DAG1: variants seen among roughly 807,000 people sequenced by gnomAD.
DAG1 encodes dystroglycan 1 (dystrophin-associated glycoprotein 1).
A neutral mutation model predicts 46.1 loss-of-function variants in DAG1; 8 were observed. The ratio of observed to expected loss-of-function variants is 0.17; its 90% CI spans 0.10 to 0.31. The LOEUF (loss-of-function observed/expected upper bound fraction) is 0.31, where lower values mean the gene tolerates loss of function less well. Ranked by LOEUF, DAG1 falls within the 10% of genes least tolerant of loss-of-function variation. The pLI, the probability that DAG1 is intolerant of heterozygous loss-of-function variation, is 1.00. For synonymous variants in DAG1, 495 were observed against 481.8 expected (o/e 1.03, Z -0.36); for missense variants, 1,003 against 1,189.9 (o/e 0.84, Z 2.31).
chr3:49,493,036 C>CTTTTTTTTTTTTTTTTTT (rs55708660), intron 1 of DAG1: 1 of 86,380 alleles, frequency 1.2e-5, no homozygotes, highest in Non-Finnish European at 2.0e-5. Flanking sequence ...TATTTTTATT[C>CTTTTTTTTTTTTTTTTTT]TTTTTTTTTT....
rs1322147174 is a variant in DAG1 at position 49,533,994 on chromosome 3, TC to T, written c.*797del. The T allele has an allele frequency of 6.4e-6, 1 of 155,144 alleles. No homozygotes were observed. Among genetic ancestry groups the T allele is most frequent in the Admixed American group, 6.4e-5 (1 of 15,728 alleles). The allele number at this position is 155,144 out of a possible 1,614,324, so 9.6% of individuals were successfully genotyped here. On this transcript the variant is annotated 3_prime_UTR_variant, in exon 3 of 3. Coordinates refer to ENST00000308775, the MANE Select transcript of DAG1 (RefSeq NM_004393.6). Reference sequence around the variant, plus strand: ...CTCTTGGGCCATGGACATCCCCACTTCCAGCCCATGTACACTAGTGGCCCAC... The same window carrying T: ...CTCTTGGGCCATGGACATCCCCACTTCAGCCCATGTACACTAGTGGCCCAC...
intron 1 of DAG1, among the ~76,000 whole-genome samples, chr3:49,506,973 AG>A (rs2050622153): frequency 1.3e-5 from 2 of 151,756 alleles, no homozygotes; most frequent in Admixed American, 1.3e-4. Context: ...AAAAAAAAAA[AG>A]AAAAATAAGT....
chr3:49,482,033 A>G (rs1056904009), intron 1 of DAG1, among the ~76,000 whole-genome samples: 2 of 152,196 alleles, frequency 1.3e-5, no homozygotes, highest in Admixed American at 6.6e-5. Flanking sequence ...TTTACATTGT[A>G]TTATGTGTTA....
rs1015137527 is a variant in DAG1 at position 49,474,140 on chromosome 3, C to T, written c.-117+3707C>T. The stretch of plus-strand genomic sequence containing the variant: ...TATGATCTCGGCTCACTGCAACCTC[C>T]GCCTCCTGGGTTCAAGTGATTCTCC... On this transcript the variant is annotated intron_variant, in intron 1 of 2. Coordinates refer to ENST00000308775, the MANE Select transcript of DAG1 (RefSeq NM_004393.6). Among the ~76,000 whole-genome samples, 17 of 151,948 alleles carry T rather than the reference C, an allele frequency of 1.1e-4. No homozygotes were observed. In the East Asian group the frequency reaches 1.6e-3, roughly 14 times the overall value.
chr3:49,510,453 AG>A lies in DAG1; in HGVS notation c.-79del, dbSNP rs2050731372. ...GCTCCGGGATGGAGCAGGTGTGCAG[AG>A]GGTGAGAACCCAGCTCTGGGACCAA... On this transcript the variant is annotated 5_prime_UTR_variant, in exon 2 of 3. An upstream open reading frame in the 5' UTR loses its in-frame stop. Transcript: ENST00000308775. The A allele has an allele frequency of 7.2e-7, 1 of 1,383,094 alleles. No individual in the cohort carries two copies. The highest frequency in any genetic ancestry group is 1.4e-5 in the African/African-American group (1 of 70,454). The allele number at this position is 1,383,094 out of a possible 1,614,324, so 85.7% of individuals were successfully genotyped here.
chr3:49,488,371 A>G (rs768515457), intron 1 of DAG1, among the ~76,000 whole-genome samples: 5 of 152,234 alleles, frequency 3.3e-5, no homozygotes, highest in African/African-American at 4.8e-5. Context: ...TGCCAAATCT[A>G]ACAATTCCAA....
At position 49,531,963 on chromosome 3, in the gene DAG1, C is replaced by A. The variant is rs2051362724; in HGVS notation, c.1452C>A (p.Thr484=). ...CGCCTACTCGTATTCGCACCACCAC[C>A]AGTGGAGTGCCCCGTGGCGGAGAAC... The part of the protein sequence containing the change: ...ASPPTRIRTT[T]SGVPRGGEPN... The change falls in exon 3 of 3, where the codon ACC becomes ACA. Residue 484 remains threonine (T), a synonymous_variant. Coordinates refer to ENST00000308775, the MANE Select transcript of DAG1 (RefSeq NM_004393.6). The surrounding 1 kb of genome is among the most constrained non-coding windows in gnomAD (Gnocchi z 7.0). The A allele has an allele frequency of 5.0e-6, 8 of 1,614,226 alleles. No homozygotes were observed. Among genetic ancestry groups the A allele is most frequent in the Non-Finnish European group, 6.8e-6 (8 of 1,180,044 alleles).
chr3:49,506,924 G>A (rs1322614920), intron 1 of DAG1, among the ~76,000 whole-genome samples: 8 of 149,290 alleles, frequency 5.4e-5, no homozygotes, highest in African/African-American at 2.0e-4. Flanking sequence ...TCTAGCTTGG[G>A]CAATGTAGCA....
chr3:49,491,680 G>A (rs2050189293), intron 1 of DAG1, among the ~76,000 whole-genome samples: 1 of 152,076 alleles, frequency 6.6e-6, no homozygotes, highest in Non-Finnish European at 1.5e-5. Context: ...GTTTCACTGT[G>A]TTAGTCAGGA....
At chr3:49,509,682 T>G (rs557605053) in intron 1 of DAG1, among the ~76,000 whole-genome samples, 1 of 152,208 alleles carries the variant, frequency 6.6e-6, no homozygotes, top group Non-Finnish European at 1.5e-5. Context: ...GGTAGCCACA[T>G]GAAGAAAAGC....
intron 1 of DAG1, among the ~76,000 whole-genome samples, chr3:49,509,827 C>G (rs1392066984): frequency 6.6e-6 from 1 of 152,056 alleles, no homozygotes; most frequent in African/African-American, 2.4e-5. Context: ...CTCCCGGGTT[C>G]AAGTGATTCT....
In DAG1 at chr3:49,531,102, C is replaced by T. The variant is rs768487898; in HGVS notation, c.591C>T (p.Ala197=). ...CTGTTTTGACGGTGATTTTGGATGC[C>T]GACCTCACCAAGATGACCCCAAAGC... The part of the protein sequence containing the change: ...PVTVLTVILD[A]DLTKMTPKQR... The change falls in exon 3 of 3, where the codon GCC becomes GCT. Residue 197 remains alanine, a synonymous_variant. Transcript: ENST00000308775. This position sits in a 1 kb window ranked among gnomAD's most constrained non-coding sequence, Gnocchi z 7.0. 18 of 1,614,006 alleles carry T rather than the reference C, an allele frequency of 1.1e-5. No individual in the cohort carries two copies. Among genetic ancestry groups the T allele is most frequent in the East Asian group, 6.7e-5 (3 of 44,896 alleles).
rs183724852 is a variant in DAG1 at position 49,490,929 on chromosome 3, T to G, written c.-116-19490T>G. On this transcript the variant is annotated intron_variant, in intron 1 of 2. Coordinates refer to ENST00000308775, the MANE Select transcript of DAG1 (RefSeq NM_004393.6). ...GAGACGGAGTCTCACTCTGTTGTCT[T>G]GGTTGGAGTGCAGTGGCACGATCTT... 1.5e-4 allele frequency among the ~76,000 whole-genome samples: 22 copies of G among 148,392 alleles called. No homozygotes were observed. In the East Asian group the frequency reaches 4.1e-3, roughly 28 times the overall value.
intron 2 of DAG1, among the ~76,000 whole-genome samples, chr3:49,528,188 T>C (rs945392328): frequency 1.3e-5 from 2 of 151,768 alleles, no homozygotes; most frequent in Non-Finnish European, 2.9e-5. Flanking sequence ...TATGTGTTTA[T>C]ATACGGATGT....
intron 1 of DAG1, among the ~76,000 whole-genome samples, chr3:49,490,377 T>A (rs1232308699): frequency 6.7e-6 from 1 of 150,032 alleles, no homozygotes; most frequent in East Asian, 1.9e-4. Context: ...TTTTTTTTTT[T>A]ATATAACTTT....
intron 1 of DAG1, among the ~76,000 whole-genome samples, chr3:49,481,027 C>T (rs998454441): frequency 6.8e-6 from 1 of 147,572 alleles, no homozygotes; most frequent in Non-Finnish European, 1.5e-5. Context: ...TCCCAAAGTG[C>T]TGGGATTACA....
intron 1 of DAG1, among the ~76,000 whole-genome samples, chr3:49,487,692 C>CTTTTT (rs10686005): frequency 5.7e-4 from 60 of 105,698 alleles, no homozygotes; most frequent in Non-Finnish European, 7.2e-4. Flanking sequence ...CCCATACATT[C>CTTTTT]TTTTTTTTTT....
At chr3:49,512,619 T>C (rs969173169) in intron 2 of DAG1, among the ~76,000 whole-genome samples, 6 of 150,554 alleles carry the variant, frequency 4.0e-5, no homozygotes, top group Non-Finnish European at 7.4e-5. Context: ...CTCAAACTCC[T>C]TATCTCGGGT....
chr3:49,482,600 A>G (rs1039104595), intron 1 of DAG1, among the ~76,000 whole-genome samples: 3 of 152,240 alleles, frequency 2.0e-5, no homozygotes, highest in African/African-American at 7.2e-5. Context: ...ATCCAGTCAC[A>G]GTACCTTCCC....
Sources: allele counts gnomAD v4.1 joint callset (sites outside exome capture counted in the v4.1 genomes callset), GRCh38; gene constraint gnomAD v4.1.1; non-coding constraint Gnocchi (gnomAD v3.1); transcripts MANE v1.5; gene names NCBI Gene and HGNC (gene_info 2026-07-23, HGNC 2026-07-21).